CEP350: variants seen among roughly 807,000 people sequenced by gnomAD.
The protein encoded by CEP350 is centrosomal protein 350.
A neutral mutation model predicts 331.8 loss-of-function variants in CEP350; 126 were observed. The ratio of observed to expected loss-of-function variants is 0.38; its 90% CI spans 0.33 to 0.44. CEP350 has a LOEUF of 0.44. Ranked by LOEUF, CEP350 falls within the 20% of genes least tolerant of loss-of-function variation. CEP350 has a pLI of 1.00. For missense variants in CEP350, 3,406 were observed against 3,634.6 expected, an observed-to-expected ratio of 0.94 and a Z score of 1.62; for synonymous variants, 1,200 against 1,259.5, an observed-to-expected ratio of 0.95 and a Z score of 1.00.
At chr1:180,100,525 T>G (rs1660745007) in intron 37 of CEP350, among the ~76,000 whole-genome samples, 1 of 152,200 alleles carries the variant, frequency 6.6e-6, no homozygotes, top group Non-Finnish European at 1.5e-5. Flanking sequence ...AGTCAAAAAT[T>G]GTGCTAATTA....
At chr1:179,978,872 T>C (rs148519849) in intron 1 of CEP350, among the ~76,000 whole-genome samples, 31 of 152,292 alleles carry the variant, frequency 2.0e-4, no homozygotes, top group African/African-American at 7.5e-4. Context: ...AGTTTCTTTT[T>C]TCAGCCTGCT....
At chr1:180,088,709 C>T (rs1660002853) in intron 32 of CEP350, among the ~76,000 whole-genome samples, 1 of 152,076 alleles carries the variant, frequency 6.6e-6, no homozygotes, top group Non-Finnish European at 1.5e-5. Context: ...TAACTGTGGG[C>T]AAGTTATTTA....
At chr1:180,073,911 A>C (rs1209772057) in intron 27 of CEP350, 2 of 1,304,534 alleles carry the variant, frequency 1.5e-6, no homozygotes, top group Non-Finnish European at 2.0e-6. Flanking sequence ...TTGGTCAGGT[A>C]ACTTTGCACC....
chr1:179,958,015 T>C (rs1650304971), intron 1 of CEP350, among the ~76,000 whole-genome samples: 1 of 152,216 alleles, frequency 6.6e-6, no homozygotes, highest in Non-Finnish European at 1.5e-5. Flanking sequence ...ATCTCATGCA[T>C]AGTTGATTTC....
At chr1:179,988,460 T>C (rs1652807557) in intron 3 of CEP350, among the ~76,000 whole-genome samples, 1 of 152,214 alleles carries the variant, frequency 6.6e-6, no homozygotes, top group African/African-American at 2.4e-5. Flanking sequence ...TGTGGTCTGA[T>C]TGCTCTAGCT....
chr1:179,983,079 G>A (rs2483621), intron 1 of CEP350, among the ~76,000 whole-genome samples: 75,484 of 151,982 alleles, frequency 0.5, 22,990 homozygotes, highest in Non-Finnish European at 0.65. Flanking sequence ...GTGAGCCACC[G>A]CGCCCAGCCA....
chr1:180,041,382 A>T, intron 18 of CEP350, 134 bp downstream of exon 18: 1 of 703,214 alleles, frequency 1.4e-6, no homozygotes, highest in Non-Finnish European at 2.3e-6. Flanking sequence ...TTTTTATGGG[A>T]TAATGCCATG....
In CEP350 at chr1:179,997,519, G is replaced by A. The variant is rs537508937; in HGVS notation, c.1018+344G>A. On this transcript the variant is annotated intron_variant, in intron 6 of 37. Coordinates refer to ENST00000367607, the MANE Select transcript of CEP350 (RefSeq NM_014810.5). ...GATCTCACCACTGCACTCCAGCATG[G>A]GGCGACAGAGTGAGACTCGGTCTCA... Among the ~76,000 whole-genome samples, 326 of 151,086 alleles carry A rather than the reference G, an allele frequency of 2.2e-3. 4 individuals are homozygous for A. Among genetic ancestry groups the A allele is most frequent in the Non-Finnish European group, 3.7e-3 (254 of 67,782 alleles).
chr1:180,042,142 A>T (rs925076550), intron 19 of CEP350, among the ~76,000 whole-genome samples: 2 of 151,418 alleles, frequency 1.3e-5, no homozygotes, highest in South Asian at 2.1e-4. Flanking sequence ...TCACACACAC[A>T]CACACACACA....
chr1:179,992,240 A>G lies in CEP350; in HGVS notation c.395+19A>G, dbSNP rs1653152276. The G allele has an allele frequency of 6.9e-7, 1 of 1,450,580 alleles. No individual in the cohort carries two copies. The highest frequency in any genetic ancestry group is 9.0e-7 in the Non-Finnish European group (1 of 1,108,988). 89.9% of individuals were successfully genotyped at this position (1,450,580 alleles called of 1,614,324 possible). The stretch of plus-strand genomic sequence containing the variant: ...CTTATAGGTTAGTATTGAGAAAAAA[A>G]AAAGGTATCAAATAGGTTTAGCCTG... On this transcript the variant is annotated intron_variant, in intron 5 of 37. Coordinates refer to ENST00000367607, the MANE Select transcript of CEP350 (RefSeq NM_014810.5).
chr1:180,044,408 A>G (rs1015490472), intron 21 of CEP350, among the ~76,000 whole-genome samples: 4 of 152,106 alleles, frequency 2.6e-5, no homozygotes, highest in African/African-American at 7.2e-5. Flanking sequence ...TTCTTCCTGC[A>G]TTTAATATTC....
chr1:180,035,933 A>C (rs1028079958), intron 16 of CEP350, among the ~76,000 whole-genome samples: 7 of 152,212 alleles, frequency 4.6e-5, no homozygotes, highest in Non-Finnish European at 7.3e-5. Flanking sequence ...GATTTGGGCA[A>C]AGTAAATTGA....
chr1:179,995,061 A>G (rs1012418869), intron 5 of CEP350, among the ~76,000 whole-genome samples: 7 of 152,224 alleles, frequency 4.6e-5, no homozygotes, highest in African/African-American at 7.2e-5. Flanking sequence ...AAGATATTTT[A>G]CATTCCTAAA....
intron 14 of CEP350, among the ~76,000 whole-genome samples, chr1:180,026,493 C>T (rs1655685005): frequency 6.6e-6 from 1 of 152,080 alleles, no homozygotes; most frequent in African/African-American, 2.4e-5. Context: ...ATCATTTTAA[C>T]CATTTTCAAA....
At position 179,991,957 on chromosome 1, in the gene CEP350, C is replaced by T. The variant is rs530360156; in HGVS notation, c.236-105C>T. 1.8e-5 allele frequency: 19 copies of T among 1,076,712 alleles called. No homozygotes were observed. The African/African-American group carries it at 2.2e-4, about 12-fold the overall frequency. 66.7% of individuals were successfully genotyped at this position (1,076,712 alleles called of 1,614,324 possible). A position where few individuals can be genotyped will look rare whatever the true frequency, so the allele number is the denominator to read the frequency against. ...TAGAGATAACTTATATAATATCCAA[C>T]TATTAGAAATAATAGATACCTAATT... On this transcript the variant is annotated intron_variant, in intron 4 of 37. Coordinates refer to ENST00000367607, the MANE Select transcript of CEP350 (RefSeq NM_014810.5).
At chr1:180,014,704 A>G (rs1483475610) in intron 10 of CEP350, among the ~76,000 whole-genome samples, 199 bp downstream of exon 10, 1 of 152,240 alleles carries the variant, frequency 6.6e-6, no homozygotes, top group Non-Finnish European at 1.5e-5. Flanking sequence ...AGAATTTCCT[A>G]CAGTGATTGT....
chr1:180,097,391 A>G (rs1036389044), intron 36 of CEP350, among the ~76,000 whole-genome samples: 2 of 152,006 alleles, frequency 1.3e-5, no homozygotes, highest in African/African-American at 4.8e-5. Flanking sequence ...CACATTGTAT[A>G]CTCCATTCCT....
chr1:180,046,870 T>C (rs1262575294), intron 21 of CEP350, among the ~76,000 whole-genome samples: 4 of 152,224 alleles, frequency 2.6e-5, no homozygotes, highest in African/African-American at 7.2e-5. Context: ...TAACTACTAA[T>C]TGGTAGAATT....
intron 37 of CEP350, among the ~76,000 whole-genome samples, chr1:180,104,128 CA>C (rs1296935258): frequency 6.7e-6 from 1 of 149,290 alleles, no homozygotes; most frequent in Non-Finnish European, 1.5e-5. Context: ...AATACATCTA[CA>C]TATTTATATG....
Sources: gnomAD v4.1 joint callset for allele counts (sites outside exome capture counted in the v4.1 genomes callset) on GRCh38, gnomAD v4.1.1 for gene constraint, MANE v1.5 for transcripts, NCBI Gene and HGNC (gene_info 2026-07-23, HGNC 2026-07-21) for gene names.